The following TCF12 variants were observed in gnomAD, a reference collection of about 807,000 sequenced individuals.
TCF12 encodes the protein transcription factor 12.
In TCF12, 45 loss-of-function variants were observed where a neutral mutation model predicts 86.0. The ratio of observed to expected loss-of-function variants is 0.52; its 90% CI spans 0.41 to 0.67. TCF12 has a LOEUF of 0.67. Among genes scored for constraint, TCF12 ranks in the 30% least tolerant of loss-of-function variants. TCF12 has a pLI of 0.00. For missense variants in TCF12, 881 were observed against 859.9 expected (o/e 1.02, Z -0.31); for synonymous variants, 330 against 299.6 (o/e 1.10, Z -1.05).
chr15:57,225,483 G>A (rs1003184128), intron 8 of TCF12, among the ~76,000 whole-genome samples: 1 of 152,086 alleles, frequency 6.6e-6, no homozygotes, highest in Non-Finnish European at 1.5e-5. Context: ...CTGACCTCAT[G>A]ATCCACCCGC....
At chr15:57,010,844 G>A (rs948508641) in intron 3 of TCF12, among the ~76,000 whole-genome samples, 4 of 152,102 alleles carry the variant, frequency 2.6e-5, no homozygotes, top group Non-Finnish European at 4.4e-5. Context: ...GATGTTCTTG[G>A]TGTTGTATAA....
At chr15:57,248,969 C>A (rs778258227) in intron 13 of TCF12, among the ~76,000 whole-genome samples, 1 of 152,170 alleles carries the variant, frequency 6.6e-6, no homozygotes, top group Non-Finnish European at 1.5e-5. Flanking sequence ...GTTAATATTG[C>A]ACACAAAGTC....
At chr15:57,046,676 G>A (rs1362832898) in intron 3 of TCF12, among the ~76,000 whole-genome samples, 2 of 151,956 alleles carry the variant, frequency 1.3e-5, no homozygotes, top group Non-Finnish European at 2.9e-5. Context: ...GGCTGTTCTC[G>A]AACTCCTGAC....
chr15:57,027,688 C>T (rs1372441009), intron 3 of TCF12, among the ~76,000 whole-genome samples: 3 of 152,076 alleles, frequency 2.0e-5, no homozygotes, highest in African/African-American at 7.2e-5. Context: ...TATGGTTTGG[C>T]CGTGTCCCCA....
intron 3 of TCF12, among the ~76,000 whole-genome samples, chr15:57,055,786 A>G (rs1235416718): frequency 6.6e-6 from 1 of 151,904 alleles, no homozygotes; most frequent in African/African-American, 2.4e-5. Context: ...CTTCTTATTT[A>G]TACTCTCTGG....
At chr15:57,271,265 A>G (rs1426137903) in intron 18 of TCF12, among the ~76,000 whole-genome samples, 4 of 152,222 alleles carry the variant, frequency 2.6e-5, no homozygotes, top group Non-Finnish European at 5.9e-5. Context: ...CACAGTGAAC[A>G]TAAAACCACC....
In TCF12 at chr15:57,010,420, TA is replaced by T. The variant is rs1280637414; in HGVS notation, c.149-53322del. Among the ~76,000 whole-genome samples the T allele has an allele frequency of 2.6e-5, 4 of 151,978 alleles. No individual in the cohort carries two copies. The East Asian group carries it at 5.8e-4, about 22-fold the overall frequency. On this transcript the variant is annotated intron_variant, in intron 3 of 20. Coordinates refer to ENST00000333725, the MANE Select transcript of TCF12 (RefSeq NM_207037.2). Reference sequence around the variant, plus strand: ...CAAGACATGCAGCCTATCTTTAAGTTAAAAAAAATTATTTATAAAAGTAAGA... The same window carrying T: ...CAAGACATGCAGCCTATCTTTAAGTTAAAAAAATTATTTATAAAAGTAAGA...
rs1287166769 is a variant in TCF12 at position 57,039,681 on chromosome 15, C to G, written c.149-24069C>G. On this transcript the variant is annotated intron_variant, in intron 3 of 20. Coordinates refer to ENST00000333725, the MANE Select transcript of TCF12 (RefSeq NM_207037.2). Reference sequence around the variant, plus strand: ...CCCCAAAATAAACTTTGTTTCCTGTCTCTCTGTGGGTTATGCTTACTTATT... The same window carrying G: ...CCCCAAAATAAACTTTGTTTCCTGTGTCTCTGTGGGTTATGCTTACTTATT... Among the ~76,000 whole-genome samples the G allele has an allele frequency of 2.0e-5, 3 of 152,204 alleles. No homozygotes were observed. The East Asian group carries it at 5.8e-4, about 29-fold the overall frequency.
intron 3 of TCF12, among the ~76,000 whole-genome samples, chr15:57,058,134 T>C (rs1411335399): frequency 2.0e-5 from 3 of 152,194 alleles, no homozygotes; most frequent in African/African-American, 7.2e-5. Context: ...TATCACTATA[T>C]AGTTCCCATT....
At chr15:56,961,005 T>A (rs58169256) in intron 3 of TCF12, among the ~76,000 whole-genome samples, 4,983 of 151,264 alleles carry the variant, frequency 0.033, 310 homozygotes, top group East Asian at 0.28. Context: ...CTGGGTGTGG[T>A]GGCGGGCACC....
intron 7 of TCF12, among the ~76,000 whole-genome samples, chr15:57,196,516 CATGTG>C (rs2057272503): frequency 6.6e-6 from 1 of 152,182 alleles, no homozygotes; most frequent in Non-Finnish European, 1.5e-5. Flanking sequence ...TCAGCTTCCT[CATGTG>C]TTCTCTCTTC....
At chr15:57,086,492 C>T (rs2048638551) in intron 4 of TCF12, among the ~76,000 whole-genome samples, 1 of 151,792 alleles carries the variant, frequency 6.6e-6, no homozygotes, top group African/African-American at 2.4e-5. Context: ...ATCCACTACA[C>T]TATGCTGTGC....
At chr15:57,086,603 G>T (rs2048646046) in intron 4 of TCF12, among the ~76,000 whole-genome samples, 1 of 151,394 alleles carries the variant, frequency 6.6e-6, no homozygotes, top group African/African-American at 2.4e-5. Context: ...GCTCACTGCT[G>T]TGGGAGCACA....
intron 3 of TCF12, among the ~76,000 whole-genome samples, chr15:57,035,540 T>C (rs529308872): frequency 2.0e-5 from 3 of 152,296 alleles, no homozygotes; most frequent in South Asian, 2.1e-4. Context: ...GTATTGGGAT[T>C]GTAGGTGTGA....
intron 16 of TCF12, among the ~76,000 whole-genome samples, chr15:57,256,141 C>G (rs1472995640): frequency 1.3e-5 from 2 of 152,214 alleles, no homozygotes; most frequent in African/African-American, 4.8e-5. Flanking sequence ...ATCTCCTGTC[C>G]TTCTGAAGTA....
intron 2 of TCF12, 52 bp from the exon 3 acceptor site, chr15:56,920,974 A>G (rs2059765156): frequency 4.9e-6 from 7 of 1,440,692 alleles, no homozygotes; most frequent in Non-Finnish European, 6.6e-6. Context: ...TTTGTTTGCA[A>G]GGAATCTAGA....
At chr15:56,926,628 A>C (rs1724120966) in intron 3 of TCF12, among the ~76,000 whole-genome samples, 1 of 152,162 alleles carries the variant, frequency 6.6e-6, no homozygotes, top group Admixed American at 6.5e-5. Context: ...TACAGTTCAG[A>C]GAGAGAGAAG....
intron 5 of TCF12, among the ~76,000 whole-genome samples, chr15:57,092,760 A>G (rs922661335): frequency 2.6e-5 from 4 of 152,144 alleles, no homozygotes; most frequent in Admixed American, 2.6e-4. Flanking sequence ...CAGTTATGGC[A>G]TCATATAAAT....
chr15:57,222,300 A>G (rs1182097653), intron 8 of TCF12, among the ~76,000 whole-genome samples: 1 of 151,638 alleles, frequency 6.6e-6, no homozygotes, highest in Non-Finnish European at 1.5e-5. Flanking sequence ...AAAACTGAAC[A>G]AACTCTAGGA....
Sources: allele counts gnomAD v4.1 joint callset (sites outside exome capture counted in the v4.1 genomes callset), GRCh38; gene constraint gnomAD v4.1.1; transcripts MANE v1.5; gene names NCBI Gene and HGNC (gene_info 2026-07-23, HGNC 2026-07-21).